The following PELI2 variants were observed in gnomAD, a reference collection of about 807,000 sequenced individuals.
PELI2 encodes the protein E3 ubiquitin-protein ligase pellino homolog 2.
In PELI2, 23 loss-of-function variants were observed where a neutral mutation model predicts 42.3. The ratio of observed to expected loss-of-function variants is 0.54; its 90% confidence interval spans 0.39 to 0.77. The LOEUF is 0.77. Ranked by LOEUF, PELI2 falls within the 30% of genes least tolerant of loss-of-function variation. The pLI is 0.00. For synonymous variants in PELI2, 245 were observed against 212.2 expected, an observed-to-expected ratio of 1.15 and a Z score of -1.34; for missense variants, 463 against 553.2, an observed-to-expected ratio of 0.84 and a Z score of 1.64.
At chr14:56,185,122 A>G (rs1204310852) in intron 2 of PELI2, among the ~76,000 whole-genome samples, 1 of 152,120 alleles carries the variant, frequency 6.6e-6, no homozygotes, top group Non-Finnish European at 1.5e-5. Context: ...TAATAAGTAT[A>G]TCTGTGATTA....
chr14:56,119,833 CTGTA>C (rs1259454628), intron 1 of PELI2: 8 of 985,166 alleles, frequency 8.1e-6, no homozygotes, highest in Middle Eastern at 5.2e-4. Flanking sequence ...GTTGAAAGAC[CTGTA>C]TTCAGAACAT....
At chr14:56,205,732 A>G (rs1472403936) in intron 2 of PELI2, among the ~76,000 whole-genome samples, 3 of 152,202 alleles carry the variant, frequency 2.0e-5, no homozygotes, top group African/African-American at 4.8e-5. Flanking sequence ...CACCATTGCA[A>G]GGGGCTGCTG....
At chr14:56,258,838 A>G (rs1314993537) in intron 2 of PELI2, among the ~76,000 whole-genome samples, 3 of 152,142 alleles carry the variant, frequency 2.0e-5, no homozygotes, top group Non-Finnish European at 4.4e-5. Context: ...GATGAAAATG[A>G]TAAAAGTCTA....
Position 56,125,071 on chromosome 14 carries a change from G to A in PELI2, c.77+6334G>A, listed in dbSNP as rs145284940. ...GGAGTTGGAAGGCACAGTGGAGTTG[G>A]AAGGAGAAACTGAGGCTGCAGCCCA... On this transcript the variant is annotated intron_variant, in intron 1 of 5. Transcript: ENST00000267460. 8.1e-4 allele frequency among the ~76,000 whole-genome samples: 123 copies of A among 152,276 alleles called. 1 individual carries two copies. The highest frequency in any genetic ancestry group is 2.8e-3 in the African/African-American group (118 of 41,544).
chr14:56,166,851 G>A lies in PELI2; in HGVS notation c.78-11484G>A, dbSNP rs550061991. Among the ~76,000 whole-genome samples, 13 of 152,058 alleles carry A rather than the reference G, an allele frequency of 8.5e-5. No individual in the cohort carries two copies. In the East Asian group the frequency reaches 1.2e-3, roughly 14 times the overall value. On this transcript the variant is annotated intron_variant, in intron 1 of 5. Transcript: ENST00000267460. The stretch of plus-strand genomic sequence containing the variant: ...CTCCCAGGATGGAGTGCAGTGGCAC[G>A]ATCTCAGCGCACTGCAAGCTCCATC...
chr14:56,133,497 T>TA (rs1249033510), intron 1 of PELI2, among the ~76,000 whole-genome samples: 1 of 152,214 alleles, frequency 6.6e-6, no homozygotes, highest in Non-Finnish European at 1.5e-5. Context: ...ATAAGTCTAT[T>TA]AGGTACTTAG....
intron 2 of PELI2, among the ~76,000 whole-genome samples, chr14:56,232,965 C>T (rs1213164977): frequency 6.6e-6 from 1 of 151,992 alleles, no homozygotes; most frequent in Non-Finnish European, 1.5e-5. Context: ...ACCAATAAGA[C>T]AAACAGAGAG....
In PELI2 at chr14:56,280,245, AAAG is replaced by A. The variant is rs201752712; in HGVS notation, c.309+473_309+475del. Among the ~76,000 whole-genome samples, 94 of 152,166 alleles carry A rather than the reference AAAG, an allele frequency of 6.2e-4. No homozygotes were observed. The East Asian group carries it at 0.016, about 26-fold the overall frequency. ...TAAGAGGAGGGAAAGAGAGAGAAAG[AAAG>A]AAGATCAAGGGACTAAACATTTATC... On this transcript the variant is annotated intron_variant, in intron 3 of 5. Transcript: ENST00000267460.
intron 2 of PELI2, among the ~76,000 whole-genome samples, chr14:56,209,532 T>A (rs974590435): frequency 6.4e-5 from 8 of 125,914 alleles, no homozygotes; most frequent in African/African-American, 1.6e-4. Flanking sequence ...TAGGTTTTTT[T>A]AATAAAATAT....
In PELI2 at chr14:56,268,898, A is replaced by G. The variant is rs148233080; in HGVS notation, c.208-10778A>G. ...GTCTCATGCTTTGTAGGGAGCTGCTACACGGAGTCATTGTTGGGAGGTGCC... is the reference window on the plus strand; with the variant it reads ...GTCTCATGCTTTGTAGGGAGCTGCTGCACGGAGTCATTGTTGGGAGGTGCC... On this transcript the variant is annotated intron_variant, in intron 2 of 5. Transcript: ENST00000267460. Among the ~76,000 whole-genome samples the G allele has an allele frequency of 6.7e-3, 1,017 of 152,284 alleles. 11 individuals are homozygous for G. Among genetic ancestry groups the G allele is most frequent in the African/African-American group, 0.022 (931 of 41,544 alleles).
chr14:56,221,479 A>G (rs1009128297), intron 2 of PELI2, among the ~76,000 whole-genome samples: 2 of 152,346 alleles, frequency 1.3e-5, no homozygotes, highest in African/African-American at 4.8e-5. Flanking sequence ...TTCATTTTAT[A>G]AAACAAACTG....
intron 5 of PELI2, among the ~76,000 whole-genome samples, chr14:56,293,882 G>A (rs887224043): frequency 4.6e-5 from 7 of 152,180 alleles, no homozygotes; most frequent in Non-Finnish European, 8.8e-5. Flanking sequence ...CACAGCCAGA[G>A]GCTAGGCCAC....
intron 2 of PELI2, among the ~76,000 whole-genome samples, chr14:56,231,917 T>G (rs533837834): frequency 1.4e-3 from 212 of 152,006 alleles, no homozygotes; most frequent in Non-Finnish European, 1.9e-3. Flanking sequence ...TAAAAAATGA[T>G]AAAGGGGATA....
At chr14:56,164,510 A>T (rs982815625) in intron 1 of PELI2, among the ~76,000 whole-genome samples, 3 of 151,952 alleles carry the variant, frequency 2.0e-5, no homozygotes, top group African/African-American at 7.2e-5. Flanking sequence ...TCTTTTTTTG[A>T]TGTGTCTTCA....
intron 1 of PELI2, among the ~76,000 whole-genome samples, chr14:56,156,132 A>C (rs189144687): frequency 6.6e-6 from 1 of 152,332 alleles, no homozygotes; most frequent in African/African-American, 2.4e-5. Flanking sequence ...TAAAAACAGT[A>C]ATCTGGAATA....
At chr14:56,290,551 T>C in intron 5 of PELI2, 95 bp downstream of exon 5, 3 of 916,948 alleles carry the variant, frequency 3.3e-6, no homozygotes, top group South Asian at 2.1e-5. Flanking sequence ...AGAACCTTTG[T>C]GCAGGTCCAA....
intron 2 of PELI2, among the ~76,000 whole-genome samples, chr14:56,228,966 T>C (rs6573087): frequency 0.91 from 138,068 of 152,236 alleles, 62,885 homozygotes; most frequent in Middle Eastern, 0.95. Context: ...ACACCTGGCT[T>C]GGGGGTCCCA....
chr14:56,284,359 G>A (rs980612786), intron 3 of PELI2, among the ~76,000 whole-genome samples: 2 of 152,128 alleles, frequency 1.3e-5, no homozygotes, highest in Admixed American at 6.5e-5. Context: ...AATTAGAGGG[G>A]TGCATTGTCT....
intron 2 of PELI2, among the ~76,000 whole-genome samples, chr14:56,230,147 G>C (rs1887504573): frequency 6.6e-6 from 1 of 152,200 alleles, no homozygotes; most frequent in Non-Finnish European, 1.5e-5. Context: ...AAGTGAAGGG[G>C]AGAATGGAAC....
Sources: allele counts gnomAD v4.1 joint callset (sites outside exome capture counted in the v4.1 genomes callset), GRCh38; gene constraint gnomAD v4.1.1; transcripts MANE v1.5; gene names NCBI Gene and HGNC (gene_info 2026-07-23, HGNC 2026-07-21).